The following CPQ variants were observed in gnomAD, a reference collection of about 807,000 sequenced individuals.
CPQ encodes the protein carboxypeptidase Q.
A neutral mutation model predicts 45.7 loss-of-function variants in CPQ; 37 were observed. The ratio of observed to expected loss-of-function variants is 0.81; its 90% CI spans 0.62 to 1.07. The LOEUF (loss-of-function observed/expected upper bound fraction) is 1.07, where lower values mean the gene tolerates loss of function less well. Among genes scored for constraint, CPQ ranks in the 50% least tolerant of loss-of-function variants. The probability of loss-of-function intolerance (pLI) is 0.00; values close to 1 mark genes in which losing one functional copy is unlikely to be tolerated. For synonymous variants in CPQ, 186 were observed against 205.8 expected (o/e 0.90, Z 0.82); for missense variants, 537 against 572.9 (o/e 0.94, Z 0.64).
intron 1 of CPQ, among the ~76,000 whole-genome samples, chr8:96,684,637 C>T (rs1809201675): frequency 6.6e-6 from 1 of 152,072 alleles, no homozygotes; most frequent in African/African-American, 2.4e-5. Flanking sequence ...TCTTCAGGCC[C>T]CTGGATGGAA....
At chr8:97,014,742 G>A (rs150208523) in intron 5 of CPQ, among the ~76,000 whole-genome samples, 17 of 151,486 alleles carry the variant, frequency 1.1e-4, no homozygotes, top group African/African-American at 4.1e-4. Context: ...ATTAATTACT[G>A]GTCAAAAACA....
At chr8:96,941,612 G>C (rs975145047) in intron 4 of CPQ, among the ~76,000 whole-genome samples, 3 of 152,086 alleles carry the variant, frequency 2.0e-5, no homozygotes, top group African/African-American at 7.2e-5. Context: ...GAGCAACCAA[G>C]GCAGCTTAGA....
intron 1 of CPQ, among the ~76,000 whole-genome samples, chr8:96,689,881 C>G (rs1418666716): frequency 1.3e-5 from 2 of 151,930 alleles, no homozygotes; most frequent in Non-Finnish European, 2.9e-5. Context: ...TCCTTTTTAA[C>G]TTGGTTATTT....
At chr8:96,844,105 T>C (rs1324216371) in intron 3 of CPQ, among the ~76,000 whole-genome samples, 1 of 152,222 alleles carries the variant, frequency 6.6e-6, no homozygotes, top group Non-Finnish European at 1.5e-5. Flanking sequence ...TTTTTCTGAA[T>C]CTCTAGTGGC....
intron 5 of CPQ, among the ~76,000 whole-genome samples, chr8:96,968,774 C>T (rs10111129): frequency 0.077 from 11,689 of 152,226 alleles, 857 homozygotes; most frequent in African/African-American, 0.19. Context: ...CTTCCCCTCT[C>T]ACCACTCTTA....
At chr8:96,903,832 A>G (rs1420906598) in intron 4 of CPQ, among the ~76,000 whole-genome samples, 1 of 152,182 alleles carries the variant, frequency 6.6e-6, no homozygotes, top group Non-Finnish European at 1.5e-5. Flanking sequence ...AGCCATATGG[A>G]GAAAAAAATA....
chr8:96,857,635 T>C lies in CPQ; in HGVS notation c.642-22163T>C, dbSNP rs115863984. 3.1e-3 allele frequency among the ~76,000 whole-genome samples: 470 copies of C among 152,332 alleles called. 4 individuals carry two copies. The highest frequency in any genetic ancestry group is 0.011 in the African/African-American group (451 of 41,572). ...ACACATTGCAGCCAGAAAAGACATT[T>C]TAGTTGTCAGGTAGTCAATAAATAT... is the stretch of plus-strand genomic sequence containing the variant. On this transcript the variant is annotated intron_variant, in intron 3 of 7. Transcript: ENST00000220763.
At chr8:96,803,257 C>A (rs952405229) in intron 2 of CPQ, among the ~76,000 whole-genome samples, 1 of 152,178 alleles carries the variant, frequency 6.6e-6, no homozygotes, top group Non-Finnish European at 1.5e-5. Flanking sequence ...CTCTATTCAG[C>A]CTCTTAATGG....
At chr8:97,123,029 A>AAAAT (rs1563587058) in intron 7 of CPQ, among the ~76,000 whole-genome samples, 3 of 60,080 alleles carry the variant, frequency 5.0e-5, no homozygotes, top group Non-Finnish European at 8.7e-5. Flanking sequence ...TAAAATAAAT[A>AAAAT]AAATAAAATA....
At chr8:96,934,529 T>C (rs1586457723) in intron 4 of CPQ, among the ~76,000 whole-genome samples, 2 of 152,168 alleles carry the variant, frequency 1.3e-5, no homozygotes, top group African/African-American at 4.8e-5. Context: ...TGACTTCAGC[T>C]CAGAAGTTTG....
At chr8:96,722,503 C>A (rs1298582795) in intron 1 of CPQ, among the ~76,000 whole-genome samples, 1 of 151,948 alleles carries the variant, frequency 6.6e-6, no homozygotes, top group East Asian at 1.9e-4. Context: ...AGACATATGA[C>A]CTAAAATATT....
At chr8:96,800,687 G>A (rs766230537) in intron 2 of CPQ, among the ~76,000 whole-genome samples, 11 of 151,932 alleles carry the variant, frequency 7.2e-5, no homozygotes, top group Middle Eastern at 3.4e-3. Context: ...CATAAAGCTG[G>A]GCTTTAAAAA....
At chr8:96,784,791 G>A in intron 1 of CPQ, 73 bp from the exon 2 acceptor site, 1 of 1,123,388 alleles carries the variant, frequency 8.9e-7, no homozygotes, top group East Asian at 2.5e-5. Flanking sequence ...TGCTTGAAAA[G>A]CAATCCCTGG....
chr8:96,931,465 C>T (rs1812974649), intron 4 of CPQ, among the ~76,000 whole-genome samples: 2 of 152,100 alleles, frequency 1.3e-5, no homozygotes, highest in African/African-American at 2.4e-5. Flanking sequence ...CTTTCTTTTG[C>T]TCCTGTTTCA....
At chr8:96,687,174 C>A (rs950972345) in intron 1 of CPQ, among the ~76,000 whole-genome samples, 2 of 144,698 alleles carry the variant, frequency 1.4e-5, no homozygotes, top group Non-Finnish European at 3.0e-5. Flanking sequence ...CTTTTCTTTT[C>A]TTTCTCTTCT....
Position 96,995,669 on chromosome 8 carries a change from TA to T in CPQ, c.961+29633del, listed in dbSNP as rs746954715. ...TAGACTTGTGAGGTTTTTTTTTTTT[TA>T]AAAAAAAAACACTTCTATTTTAAGT... is the stretch of plus-strand genomic sequence containing the variant. On this transcript the variant is annotated intron_variant, in intron 5 of 7. Transcript: ENST00000220763. Among the ~76,000 whole-genome samples, 106 of 146,586 alleles carry T rather than the reference TA, an allele frequency of 7.2e-4. 1 individual carries two copies. Among genetic ancestry groups the T allele is most frequent in the South Asian group, 1.9e-3 (9 of 4,622 alleles).
At chr8:97,050,562 A>G (rs1213062065) in intron 6 of CPQ, among the ~76,000 whole-genome samples, 1 of 152,154 alleles carries the variant, frequency 6.6e-6, no homozygotes, top group Non-Finnish European at 1.5e-5. Flanking sequence ...GAAACAGGAG[A>G]TGCAAAAAAT....
chr8:96,803,680 T>C (rs1811037067), intron 2 of CPQ, among the ~76,000 whole-genome samples: 1 of 151,094 alleles, frequency 6.6e-6, no homozygotes, highest in Admixed American at 6.7e-5. Flanking sequence ...GTGATAACAA[T>C]GGACCAGTGT....
intron 7 of CPQ, among the ~76,000 whole-genome samples, chr8:97,105,476 T>C (rs1811388876): frequency 6.6e-6 from 1 of 152,218 alleles, no homozygotes; most frequent in African/African-American, 2.4e-5. Context: ...CAGTGGACAT[T>C]TGAGTCGTTT....
Sources: allele counts gnomAD v4.1 joint callset (sites outside exome capture counted in the v4.1 genomes callset), GRCh38; gene constraint gnomAD v4.1.1; transcripts MANE v1.5; gene names NCBI Gene and HGNC (gene_info 2026-07-23, HGNC 2026-07-21).